The following BTBD9 variants were observed in gnomAD, a reference collection of about 807,000 sequenced individuals.
BTBD9 encodes BTB domain containing 9.
BTBD9 carries 49 observed loss-of-function variants against 64.3 expected under a neutral mutation model. That is an observed-to-expected ratio of 0.76 (90% CI 0.61 to 0.97). BTBD9 has a LOEUF of 0.97. Among genes scored for constraint, BTBD9 ranks in the 50% least tolerant of loss-of-function variants. The probability of loss-of-function intolerance (pLI) is 0.00; values close to 1 mark genes in which losing one functional copy is unlikely to be tolerated. For missense variants in BTBD9, 598 were observed against 762.1 expected (o/e 0.78, Z 2.53); for synonymous variants, 260 against 274.7 (o/e 0.95, Z 0.53).
intron 7 of BTBD9, among the ~76,000 whole-genome samples, chr6:38,292,795 G>C (rs918857425): frequency 6.6e-6 from 1 of 152,060 alleles, no homozygotes; most frequent in Non-Finnish European, 1.5e-5. Flanking sequence ...ATTTTTTGAA[G>C]GGTTTTTCAT....
chr6:38,322,501 C>T (rs757531291), intron 7 of BTBD9, among the ~76,000 whole-genome samples: 7 of 152,110 alleles, frequency 4.6e-5, no homozygotes, highest in Non-Finnish European at 8.8e-5. Context: ...ATTGGGGAAC[C>T]ATTTTACAGG....
chr6:38,249,673 G>A (rs1257789472), intron 9 of BTBD9, among the ~76,000 whole-genome samples: 1 of 151,718 alleles, frequency 6.6e-6, no homozygotes, highest in Admixed American at 6.6e-5. Flanking sequence ...CTTCCCTTCG[G>A]GAGTCTTTGT....
chr6:38,556,734 C>T (rs1007268141), intron 6 of BTBD9, among the ~76,000 whole-genome samples: 5 of 151,518 alleles, frequency 3.3e-5, no homozygotes, highest in East Asian at 1.9e-4. Flanking sequence ...AAAAGACCTT[C>T]GGCCGGGCGC....
intron 9 of BTBD9, among the ~76,000 whole-genome samples, chr6:38,236,973 T>C (rs549038182): frequency 6.6e-6 from 1 of 152,364 alleles, no homozygotes; most frequent in Admixed American, 6.5e-5. Flanking sequence ...TGAGCATCAC[T>C]GCAAAAGGGG....
intron 9 of BTBD9, among the ~76,000 whole-genome samples, chr6:38,200,906 G>GC (rs1292797283): frequency 6.6e-6 from 1 of 152,140 alleles, no homozygotes; most frequent in Non-Finnish European, 1.5e-5. Flanking sequence ...TGTAATACCA[G>GC]CTACTTGGGA....
At chr6:38,494,408 C>T (rs1438121919) in intron 6 of BTBD9, among the ~76,000 whole-genome samples, 1 of 152,174 alleles carries the variant, frequency 6.6e-6, no homozygotes, top group Non-Finnish European at 1.5e-5. Flanking sequence ...ACAAAACAAA[C>T]CTAATGTGGA....
At chr6:38,450,980 G>A (rs796363896) in intron 6 of BTBD9, among the ~76,000 whole-genome samples, 20 of 152,266 alleles carry the variant, frequency 1.3e-4, no homozygotes, top group African/African-American at 4.1e-4. Context: ...TTGCCTCTGT[G>A]AGAAACTTAC....
chr6:38,479,247 C>T (rs931603678), intron 6 of BTBD9, among the ~76,000 whole-genome samples: 2 of 152,136 alleles, frequency 1.3e-5, no homozygotes, highest in African/African-American at 2.4e-5. Context: ...CACAACCCCT[C>T]CAGCTCCTCT....
At chr6:38,440,478 T>C (rs530969525) in intron 6 of BTBD9, among the ~76,000 whole-genome samples, 5 of 152,330 alleles carry the variant, frequency 3.3e-5, no homozygotes, top group African/African-American at 1.2e-4. Flanking sequence ...TTGGTGACCT[T>C]GACAACGGCA....
Position 38,620,512 on chromosome 6 carries a change from C to T in BTBD9, c.-28+19288G>A, listed in dbSNP as rs549783724. On this transcript the variant is annotated intron_variant, in intron 1 of 10. Transcript: ENST00000481247. ...ATCTAGGCCACTTCTCAAGTCCAGGCACTCTGGTCCTTCAGTATGTGGATG... is the reference window on the plus strand; with the variant it reads ...ATCTAGGCCACTTCTCAAGTCCAGGTACTCTGGTCCTTCAGTATGTGGATG... Among the ~76,000 whole-genome samples the T allele has an allele frequency of 6.6e-5, 10 of 152,284 alleles. No individual in the cohort carries two copies. In the East Asian group the frequency reaches 1.7e-3, roughly 26 times the overall value.
chr6:38,629,032 A>T (rs1307655984), intron 1 of BTBD9, among the ~76,000 whole-genome samples: 3 of 145,214 alleles, frequency 2.1e-5, no homozygotes, highest in African/African-American at 7.8e-5. Context: ...ATATGAGTTT[A>T]AAAAAAAAAA....
chr6:38,402,929 G>A (rs767952223), intron 6 of BTBD9: 31 of 675,726 alleles, frequency 4.6e-5, no homozygotes, highest in Non-Finnish European at 8.3e-5. Flanking sequence ...AAAATTAGCT[G>A]GACTTTGGTG....
chr6:38,461,829 C>T (rs1770100617), intron 6 of BTBD9, among the ~76,000 whole-genome samples: 1 of 152,208 alleles, frequency 6.6e-6, no homozygotes, highest in Non-Finnish European at 1.5e-5. Context: ...TCCTCTCCAA[C>T]ATTTGGTATG....
intron 6 of BTBD9, among the ~76,000 whole-genome samples, chr6:38,480,111 G>A (rs539714086): frequency 3.0e-4 from 45 of 152,324 alleles, no homozygotes; most frequent in African/African-American, 1.0e-3. Context: ...CAATACTTAA[G>A]ATTTACTGGA....
chr6:38,396,168 G>A (rs1766662967), intron 6 of BTBD9, among the ~76,000 whole-genome samples: 1 of 152,174 alleles, frequency 6.6e-6, no homozygotes, highest in Admixed American at 6.5e-5. Context: ...CCTTTATCAT[G>A]AAAACAATGG....
chr6:38,270,943 A>C lies in BTBD9; in HGVS notation c.1455-14427T>G, dbSNP rs533412013. Among the ~76,000 whole-genome samples the C allele has an allele frequency of 2.0e-5, 3 of 152,252 alleles. No homozygotes were observed. In the East Asian group the frequency reaches 5.8e-4, roughly 29 times the overall value. On this transcript the variant is annotated intron_variant, in intron 8 of 10. Coordinates refer to ENST00000481247, the MANE Select transcript of BTBD9 (RefSeq NM_001099272.2). Reference sequence around the variant, plus strand: ...ATTTATAATCTGGGAAGTGGGTGGTAGGGGGATAGGGGAAAGGAGGGAGAT... The same window carrying C: ...ATTTATAATCTGGGAAGTGGGTGGTCGGGGGATAGGGGAAAGGAGGGAGAT...
intron 10 of BTBD9, among the ~76,000 whole-genome samples, chr6:38,178,336 G>A (rs1486111221): frequency 6.6e-6 from 1 of 152,194 alleles, no homozygotes; most frequent in Non-Finnish European, 1.5e-5. Flanking sequence ...CACCAACAGA[G>A]ACAGGATGAA....
chr6:38,267,286 CA>C (rs1454301076), intron 8 of BTBD9, among the ~76,000 whole-genome samples: 1 of 152,242 alleles, frequency 6.6e-6, no homozygotes, highest in Non-Finnish European at 1.5e-5. Flanking sequence ...TCTCTGTCCT[CA>C]ATTCTATGAA....
intron 6 of BTBD9, among the ~76,000 whole-genome samples, chr6:38,416,403 C>T (rs558835360): frequency 2.9e-4 from 43 of 150,150 alleles, no homozygotes; most frequent in African/African-American, 9.1e-4. Flanking sequence ...GGCGTGATCT[C>T]GGCTCACTGC....
Sources: gnomAD v4.1 joint callset for allele counts (sites outside exome capture counted in the v4.1 genomes callset) on GRCh38, gnomAD v4.1.1 for gene constraint, MANE v1.5 for transcripts, NCBI Gene and HGNC (gene_info 2026-07-23, HGNC 2026-07-21) for gene names.